CHSY3: variants seen among roughly 807,000 people sequenced by gnomAD.
The protein encoded by CHSY3 is N-acetylgalactosaminyl-proteoglycan 3-beta-glucuronosyltransferase 3.
A neutral mutation model predicts 67.2 loss-of-function variants in CHSY3; 35 were observed. The ratio of observed to expected loss-of-function variants is 0.52; its 90% CI spans 0.40 to 0.69. The LOEUF is 0.69. Among genes scored for constraint, CHSY3 ranks in the 30% least tolerant of loss-of-function variants. The pLI, the probability that CHSY3 is intolerant of heterozygous loss-of-function variation, is 0.00. For synonymous variants in CHSY3, 474 were observed against 434.7 expected (o/e 1.09, Z -1.12); for missense variants, 1,069 against 1,138.5 (o/e 0.94, Z 0.88).
intron 2 of CHSY3, among the ~76,000 whole-genome samples, chr5:130,028,884 C>T (rs1158267318): frequency 6.6e-6 from 1 of 151,888 alleles, no homozygotes; most frequent in Non-Finnish European, 1.5e-5. Context: ...TTCCTCTTTT[C>T]TCTCTGCCTC....
At chr5:129,926,324 G>C (rs1400463034) in intron 2 of CHSY3, among the ~76,000 whole-genome samples, 1 of 151,916 alleles carries the variant, frequency 6.6e-6, no homozygotes, top group Non-Finnish European at 1.5e-5. Flanking sequence ...CATCTGAAAT[G>C]TCTTTATTTT....
rs139691929 is a variant in CHSY3, at chr5:130,175,822, G to A, written c.1087-8407G>A. 9.4e-3 allele frequency among the ~76,000 whole-genome samples: 1,427 copies of A among 152,198 alleles called. 20 individuals are homozygous for A. The highest frequency in any genetic ancestry group is 0.032 in the African/African-American group (1,318 of 41,518). ...ACCCATATGCAGAAAACTGAAACTG[G>A]ACCCCTTCCTTACACCTTATAAATT... is the stretch of plus-strand genomic sequence containing the variant. On this transcript the variant is annotated intron_variant, in intron 2 of 2. Transcript: ENST00000305031.
At chr5:130,078,262 C>T (rs1277263976) in intron 2 of CHSY3, among the ~76,000 whole-genome samples, 1 of 152,070 alleles carries the variant, frequency 6.6e-6, no homozygotes, top group African/African-American at 2.4e-5. Flanking sequence ...AGCCTACCCA[C>T]TTGGGCTTCA....
chr5:130,182,514 A>G (rs374005640), intron 2 of CHSY3, among the ~76,000 whole-genome samples: 5 of 152,178 alleles, frequency 3.3e-5, no homozygotes, highest in East Asian at 1.9e-4. Flanking sequence ...GTAATGTATT[A>G]GTCTGTTTTA....
At chr5:130,102,633 T>C (rs1767283986) in intron 2 of CHSY3, among the ~76,000 whole-genome samples, 1 of 152,064 alleles carries the variant, frequency 6.6e-6, no homozygotes, top group South Asian at 2.1e-4. Context: ...ACACATAATA[T>C]TCCATCTGCT....
chr5:129,969,714 A>G lies in CHSY3; in HGVS notation c.1086+61354A>G, dbSNP rs186090970. The stretch of plus-strand genomic sequence containing the variant: ...AATACTTTTCTCCCCGATCTTAAAT[A>G]GGTTTATCTTTAATTCAGTGGCGGA... On this transcript the variant is annotated intron_variant, in intron 2 of 2. Coordinates refer to ENST00000305031, the MANE Select transcript of CHSY3 (RefSeq NM_175856.5). Among the ~76,000 whole-genome samples the G allele has an allele frequency of 1.2e-3, 185 of 151,966 alleles. 3 individuals carry two copies. The East Asian group carries it at 0.014, about 12-fold the overall frequency.
chr5:129,908,052 G>A (rs1334765002), intron 1 of CHSY3, 25 bp from the exon 2 acceptor site: 1 of 1,603,372 alleles, frequency 6.2e-7, no homozygotes, highest in South Asian at 1.1e-5. Context: ...AGGAGACATA[G>A]TAATTGTTGC....
At chr5:130,140,402 T>C in intron 2 of CHSY3, 1 of 698,728 alleles carries the variant, frequency 1.4e-6, no homozygotes, top group Non-Finnish European at 2.4e-6. Context: ...CTGATAAAGA[T>C]GAAGGAAATT....
intron 2 of CHSY3, among the ~76,000 whole-genome samples, chr5:130,096,842 T>G (rs1767064365): frequency 6.6e-6 from 1 of 152,204 alleles, no homozygotes; most frequent in South Asian, 2.1e-4. Context: ...GAGGAGAATC[T>G]GGAAGGAGTA....
chr5:129,939,289 G>A (rs1022039753), intron 2 of CHSY3, among the ~76,000 whole-genome samples: 2 of 152,050 alleles, frequency 1.3e-5, no homozygotes, highest in Non-Finnish European at 2.9e-5. Context: ...TCCAACACTG[G>A]GGATTGCAGT....
chr5:129,997,718 T>C (rs1457390679), intron 2 of CHSY3, among the ~76,000 whole-genome samples: 2 of 152,158 alleles, frequency 1.3e-5, no homozygotes, highest in Non-Finnish European at 2.9e-5. Flanking sequence ...CCAAGTGTTC[T>C]CATTGTTCAA....
At chr5:130,183,372 A>G (rs1233693347) in intron 2 of CHSY3, among the ~76,000 whole-genome samples, 1 of 106,496 alleles carries the variant, frequency 9.4e-6, no homozygotes. Context: ...AGTGTAGATC[A>G]GTATAGTTTC....
intron 2 of CHSY3, among the ~76,000 whole-genome samples, chr5:130,158,054 C>T (rs1339103466): frequency 6.6e-6 from 1 of 152,234 alleles, no homozygotes; most frequent in Non-Finnish European, 1.5e-5. Context: ...AGAGGTCACT[C>T]TTGTTGCCAT....
intron 2 of CHSY3, among the ~76,000 whole-genome samples, chr5:130,068,450 A>G (rs1765955258): frequency 6.6e-6 from 1 of 152,106 alleles, no homozygotes; most frequent in African/African-American, 2.4e-5. Context: ...ACACTGTAAG[A>G]AAAATACTAC....
At chr5:129,926,799 A>G (rs1761128227) in intron 2 of CHSY3, among the ~76,000 whole-genome samples, 1 of 151,876 alleles carries the variant, frequency 6.6e-6, no homozygotes, top group African/African-American at 2.4e-5. Flanking sequence ...TTATAAGCAT[A>G]TAGTTGATAA....
chr5:130,140,805 G>A (rs1580774513), intron 2 of CHSY3: 1 of 231,480 alleles, frequency 4.3e-6, no homozygotes, highest in Non-Finnish European at 8.0e-6. Flanking sequence ...AGAGCTGTCT[G>A]ATGCCTCCAT....
intron 2 of CHSY3, among the ~76,000 whole-genome samples, chr5:130,143,796 A>ATATC: frequency 1.1e-5 from 1 of 92,250 alleles, no homozygotes; most frequent in East Asian, 3.7e-4. Context: ...ATATATATAT[A>ATATC]TATATATATG....
intron 2 of CHSY3, among the ~76,000 whole-genome samples, chr5:130,110,386 G>A (rs1767554025): frequency 6.6e-6 from 1 of 151,864 alleles, no homozygotes; most frequent in African/African-American, 2.4e-5. Flanking sequence ...TCATTTTACT[G>A]TCATGTTCAT....
At chr5:130,118,635 T>A (rs1327799051) in intron 2 of CHSY3, among the ~76,000 whole-genome samples, 1 of 152,142 alleles carries the variant, frequency 6.6e-6, no homozygotes, top group Non-Finnish European at 1.5e-5. Context: ...AGTATGATAC[T>A]TTTCAGTAGT....
Sources: allele counts gnomAD v4.1 joint callset (sites outside exome capture counted in the v4.1 genomes callset), GRCh38; gene constraint gnomAD v4.1.1; transcripts MANE v1.5; gene names NCBI Gene and HGNC (gene_info 2026-07-23, HGNC 2026-07-21).